Variants in FAM110D observed in about 807,000 individuals in gnomAD.
FAM110D encodes the protein family with sequence similarity 110 member D.
For missense variants in FAM110D, 376 were observed against 395.6 expected (o/e 0.95, Z 0.42); for synonymous variants, 174 against 189.4 (o/e 0.92, Z 0.67).
chr1:26,161,289 A>G lies in FAM110D; in HGVS notation c.-3A>G. The G allele has an allele frequency of 6.4e-7, 1 of 1,566,332 alleles. No homozygotes were observed. On this transcript the variant is annotated 5_prime_UTR_variant, in exon 2 of 2. The change abolishes the stop of an existing upstream ORF in the 5' untranslated region. Transcript: ENST00000374268. This position sits in a 1 kb window ranked among gnomAD's most constrained non-coding sequence, Gnocchi z 5.4. ...GGGCACTGTCCTGACCAGCTCTGCT[A>G]AGATGCTCCTGGCCCCTCCCTCCAC...
At chr1:26,160,230 A>G (rs779588348) in intron 1 of FAM110D, among the ~76,000 whole-genome samples, 2 of 151,706 alleles carry the variant, frequency 1.3e-5, no homozygotes, top group Non-Finnish European at 1.5e-5. Context: ...AGTAGCTGGG[A>G]TTACAGGTGT....
chr1:26,161,373 T>C lies in FAM110D; in HGVS notation c.82T>C (p.Tyr28His). 6.3e-7 allele frequency: 1 copy of C among 1,598,344 alleles called. No individual in the cohort carries two copies. The highest frequency in any genetic ancestry group is 8.5e-7 in the Non-Finnish European group (1 of 1,172,994). Residue 28 changes from tyrosine to histidine, a missense_variant, in exon 2 of 2, where the codon TAT (tyrosine) becomes CAT (histidine). Tyr to His is a moderately conservative substitution (Grantham distance 83). Transcript: ENST00000374268. The surrounding 1 kb of genome is among the most constrained non-coding windows in gnomAD (Gnocchi z 5.4). ...GAGGCTGGAAGCCGACAAAGCCAAG[T>C]ATGTCAAGACGCACCAGGTGATAGC... The part of the protein sequence containing the change: ...VERLEADKAK[Y>H]VKTHQVIARR...
rs2088377640 is a variant in FAM110D at position 26,162,212 on chromosome 1, T to A, written c.*105T>A. On this transcript the variant is annotated 3_prime_UTR_variant, in exon 2 of 2. Transcript: ENST00000374268. The surrounding 1 kb of genome is among the most constrained non-coding windows in gnomAD (Gnocchi z 5.3). ...TTGCGTAAGCCCTTCCTTCTGGAAC[T>A]CAGTTTCGCGTCTGAACCTTGGGGA... is the stretch of plus-strand genomic sequence containing the variant. The A allele has an allele frequency of 5.6e-6, 4 of 714,578 alleles. No individual in the cohort carries two copies. The highest frequency in any genetic ancestry group is 5.9e-6 in the Non-Finnish European group (3 of 512,766). The allele number at this position is 714,578 out of a possible 1,614,324, so 44.3% of individuals were successfully genotyped here.
At position 26,163,142 on chromosome 1, in the gene FAM110D, T is replaced by TAAAAATAAAAAAAGAAAAATAA. The variant is rs2088387561; in HGVS notation, c.*1053_*1054insATAAAAAAATAAAAAAAGAAAA. 1 of 151,376 alleles carries TAAAAATAAAAAAAGAAAAATAA rather than the reference T, an allele frequency of 6.6e-6. No homozygotes were observed. 9.4% of individuals were successfully genotyped at this position (151,376 alleles called of 1,614,324 possible). A position where few individuals can be genotyped will look rare whatever the true frequency, so the allele number is the denominator to read the frequency against. On this transcript the variant is annotated 3_prime_UTR_variant, in exon 2 of 2. Coordinates refer to ENST00000374268, the MANE Select transcript of FAM110D (RefSeq NM_024869.3). ...CAGACTCCGTCTCAAAAAATAAAAA[T>TAAAAATAAAAAAAGAAAAATAA]AAAAATAAAAAAAGAAAAGAAGGAA...
At position 26,161,366 on chromosome 1, in the gene FAM110D, A is replaced by T; in HGVS notation, c.75A>T (p.Lys25Asn). The T allele has an allele frequency of 1.3e-6, 2 of 1,597,202 alleles. No homozygotes were observed. The highest frequency in any genetic ancestry group is 8.5e-7 in the Non-Finnish European group (1 of 1,172,372). Reference protein sequence around the residue: ...PSAVERLEADKAKYVKTHQVI... With the variant: ...PSAVERLEADNAKYVKTHQVI... ...CCGTGGAGAGGCTGGAAGCCGACAA[A>T]GCCAAGTATGTCAAGACGCACCAGG... The change falls in exon 2 of 2, where the codon AAA (lysine) becomes AAT (asparagine). Residue 25 changes from lysine to asparagine, a missense_variant. By Grantham distance (94) the Lys-to-Asn change is moderately conservative. Transcript: ENST00000374268. This position sits in a 1 kb window ranked among gnomAD's most constrained non-coding sequence, Gnocchi z 5.4.
At chr1:26,160,226 T>C (rs2088350859) in intron 1 of FAM110D, among the ~76,000 whole-genome samples, 1 of 152,030 alleles carries the variant, frequency 6.6e-6, no homozygotes, top group African/African-American at 2.4e-5. Context: ...CCCAAGTAGC[T>C]GGGATTACAG....
At position 26,162,229 on chromosome 1, in the gene FAM110D, C is replaced by A. The variant is rs2088377766; in HGVS notation, c.*122C>A. 1 of 624,384 alleles carries A rather than the reference C, an allele frequency of 1.6e-6. No individual in the cohort carries two copies. The highest frequency in any genetic ancestry group is 2.3e-6 in the Non-Finnish European group (1 of 429,738). The allele number at this position is 624,384 out of a possible 1,614,324, so 38.7% of individuals were successfully genotyped here. On this transcript the variant is annotated 3_prime_UTR_variant, in exon 2 of 2. Coordinates refer to ENST00000374268, the MANE Select transcript of FAM110D (RefSeq NM_024869.3). This position sits in a 1 kb window ranked among gnomAD's most constrained non-coding sequence, Gnocchi z 5.3. Reference sequence around the variant, plus strand: ...TCTGGAACTCAGTTTCGCGTCTGAACCTTGGGGAGGTGGAACAAGTTGCTG... The same window carrying A: ...TCTGGAACTCAGTTTCGCGTCTGAAACTTGGGGAGGTGGAACAAGTTGCTG...
Position 26,161,449 on chromosome 1 carries a change from A to G in FAM110D, c.158A>G (p.His53Arg), listed in dbSNP as rs3748856. ...LRGSPGPLTP[H>R]PCNELGPPAS... ...GGGAGTCCTGGGCCGCTCACGCCGC[A>G]CCCCTGCAACGAGCTGGGGCCCCCT... Residue 53 changes from histidine (H) to arginine (R), a missense_variant, in exon 2 of 2, where the codon CAC becomes CGC. His to Arg is a conservative substitution (Grantham distance 29). Coordinates refer to ENST00000374268, the MANE Select transcript of FAM110D (RefSeq NM_024869.3). This position sits in a 1 kb window ranked among gnomAD's most constrained non-coding sequence, Gnocchi z 5.4. 466,232 of 1,572,750 alleles carry G rather than the reference A, an allele frequency of 0.3. 72,961 individuals are homozygous for G. Among genetic ancestry groups the G allele is most frequent in the Non-Finnish European group, 0.32 (375,656 of 1,159,704 alleles).
In FAM110D at chr1:26,161,678, A is replaced by C; in HGVS notation, c.387A>C (p.Arg129=). The C allele has an allele frequency of 1.9e-6, 3 of 1,551,984 alleles. No individual in the cohort carries two copies. Among genetic ancestry groups the C allele is most frequent in the Non-Finnish European group, 2.6e-6 (3 of 1,148,002 alleles). ...AAPSSPASTE[R]PAASGGWAAP... ...CGAGCAGCCCGGCCTCCACAGAGCG[A>C]CCTGCGGCTTCAGGGGGTTGGGCTG... Residue 129 remains arginine, a synonymous_variant, in exon 2 of 2, where the codon CGA becomes CGC. Coordinates refer to ENST00000374268, the MANE Select transcript of FAM110D (RefSeq NM_024869.3). This position sits in a 1 kb window ranked among gnomAD's most constrained non-coding sequence, Gnocchi z 5.4.
chr1:26,162,262 C>G lies in FAM110D; in HGVS notation c.*155C>G. On this transcript the variant is annotated 3_prime_UTR_variant, in exon 2 of 2. Transcript: ENST00000374268. The surrounding 1 kb of genome is among the most constrained non-coding windows in gnomAD (Gnocchi z 5.3). The stretch of plus-strand genomic sequence containing the variant: ...AGGTGGAACAAGTTGCTGCCGAAGG[C>G]CCTTCCCTGCTCCCGCGGCGAAGGG... 1 of 455,308 alleles carries G rather than the reference C, an allele frequency of 2.2e-6. No individual in the cohort carries two copies. The highest frequency in any genetic ancestry group is 3.7e-6 in the Non-Finnish European group (1 of 273,108). 28.2% of individuals were successfully genotyped at this position (455,308 alleles called of 1,614,324 possible).
chr1:26,159,966 G>C (rs2088346404), intron 1 of FAM110D, among the ~76,000 whole-genome samples: 1 of 152,186 alleles, frequency 6.6e-6, no homozygotes, highest in African/African-American at 2.4e-5. Flanking sequence ...GGGAGTGGGA[G>C]CGCAGGTTAT....
rs1377375386 is a variant in FAM110D, at chr1:26,162,322, G to A, written c.*215G>A. On this transcript the variant is annotated 3_prime_UTR_variant, in exon 2 of 2. Transcript: ENST00000374268. This position sits in a 1 kb window ranked among gnomAD's most constrained non-coding sequence, Gnocchi z 5.3. The stretch of plus-strand genomic sequence containing the variant: ...GGCCTCTTGGTCCCTGTGGAGACCC[G>A]GTCTGGGGAGTCACGATTGGGGTGG... 2 of 374,696 alleles carry A rather than the reference G, an allele frequency of 5.3e-6. No homozygotes were observed. The highest frequency in any genetic ancestry group is 9.9e-6 in the Non-Finnish European group (2 of 202,008). 23.2% of individuals were successfully genotyped at this position (374,696 alleles called of 1,614,324 possible).
Position 26,161,285 on chromosome 1 carries a change from T to C in FAM110D, c.-7T>C. 1 of 1,561,212 alleles carries C rather than the reference T, an allele frequency of 6.4e-7. No individual in the cohort carries two copies. The highest frequency in any genetic ancestry group is 8.7e-7 in the Non-Finnish European group (1 of 1,153,786). Reference sequence around the variant, plus strand: ...TATGGGGCACTGTCCTGACCAGCTCTGCTAAGATGCTCCTGGCCCCTCCCT... The same window carrying C: ...TATGGGGCACTGTCCTGACCAGCTCCGCTAAGATGCTCCTGGCCCCTCCCT... On this transcript the variant is annotated 5_prime_UTR_variant, in exon 2 of 2. Transcript: ENST00000374268. This position sits in a 1 kb window ranked among gnomAD's most constrained non-coding sequence, Gnocchi z 5.4.
Position 26,161,108 on chromosome 1 carries a change from C to T in FAM110D, c.-80-104C>T. 1 of 602,218 alleles carries T rather than the reference C, an allele frequency of 1.7e-6. No individual in the cohort carries two copies. Among genetic ancestry groups the T allele is most frequent in the Non-Finnish European group, 2.8e-6 (1 of 354,044 alleles). The allele number at this position is 602,218 out of a possible 1,614,324, so 37.3% of individuals were successfully genotyped here. A position where few individuals can be genotyped will look rare whatever the true frequency, so the allele number is the denominator to read the frequency against. Reference sequence around the variant, plus strand: ...CTCCCTGGATGTGGCACCGGCTAACCTGGATGGGAGAGGGTGGCTGACTGA... The same window carrying T: ...CTCCCTGGATGTGGCACCGGCTAACTTGGATGGGAGAGGGTGGCTGACTGA... On this transcript the variant is annotated intron_variant, in intron 1 of 1. Transcript: ENST00000374268. This position sits in a 1 kb window ranked among gnomAD's most constrained non-coding sequence, Gnocchi z 5.4.
intron 1 of FAM110D, among the ~76,000 whole-genome samples, chr1:26,160,782 C>T (rs1010399718): frequency 1.3e-5 from 2 of 151,164 alleles, no homozygotes; most frequent in Non-Finnish European, 2.9e-5. Context: ...TCCCCGACCT[C>T]GGTGTTTGGG....
rs1342862751 is a variant in FAM110D at position 26,161,531 on chromosome 1, G to A, written c.240G>A (p.Arg80=). Reference sequence around the variant, plus strand: ...GGGGAAGCGGCAGGCGGCTGCCGAGGCCTGATTCCCTCATCTTCTACCGCC... The same window carrying A: ...GGGGAAGCGGCAGGCGGCTGCCGAGACCTGATTCCCTCATCTTCTACCGCC... ...VRRGSGRRLP[R]PDSLIFYRQK... Residue 80 remains arginine (R), a synonymous_variant, in exon 2 of 2, where the codon AGG becomes AGA. Transcript: ENST00000374268. The surrounding 1 kb of genome is among the most constrained non-coding windows in gnomAD (Gnocchi z 5.4). The A allele has an allele frequency of 2.6e-6, 4 of 1,550,586 alleles. No individual in the cohort carries two copies. The highest frequency in any genetic ancestry group is 1.4e-5 in the African/African-American group (1 of 73,202).
intron 1 of FAM110D, among the ~76,000 whole-genome samples, chr1:26,159,714 G>T (rs1247776622): frequency 6.6e-6 from 1 of 151,774 alleles, no homozygotes; most frequent in African/African-American, 2.4e-5. Context: ...GGCTAATTCT[G>T]TTCCTTTGTT....
rs2088362659 is a variant in FAM110D, at chr1:26,161,152, C to T, written c.-80-60C>T. ...TGACTGATCCTATACTGAGGAATGC[C>T]GGCAGGAGAGGACCAGGGGCATTTC... On this transcript the variant is annotated intron_variant, in intron 1 of 1. Transcript: ENST00000374268. The surrounding 1 kb of genome is among the most constrained non-coding windows in gnomAD (Gnocchi z 5.4). 2 of 854,540 alleles carry T rather than the reference C, an allele frequency of 2.3e-6. No individual in the cohort carries two copies. The highest frequency in any genetic ancestry group is 1.7e-5 in the African/African-American group (1 of 58,344). The allele number at this position is 854,540 out of a possible 1,614,324, so 52.9% of individuals were successfully genotyped here. A position where few individuals can be genotyped will look rare whatever the true frequency, so the allele number is the denominator to read the frequency against.
At position 26,161,725 on chromosome 1, in the gene FAM110D, C is replaced by T. The variant is rs1392084478; in HGVS notation, c.434C>T (p.Ala145Val). The change falls in exon 2 of 2, where the codon GCG becomes GTG. Residue 145 changes from alanine (A) to valine (V), a missense_variant. Physicochemically the swap from Ala to Val is moderately conservative, Grantham distance 64 (BLOSUM62 0). Transcript: ENST00000374268. This position sits in a 1 kb window ranked among gnomAD's most constrained non-coding sequence, Gnocchi z 5.4. ...GWAAPQDAPE[A>V]AGKRALCPTC... ...GCTGCGCCCCAGGATGCCCCGGAAG[C>T]GGCGGGAAAGCGGGCGCTGTGTCCC... 2.5e-5 allele frequency: 38 copies of T among 1,548,506 alleles called. No individual in the cohort carries two copies. The highest frequency in any genetic ancestry group is 3.3e-5 in the Non-Finnish European group (38 of 1,146,238).
Sources: gnomAD v4.1 joint callset for allele counts (sites outside exome capture counted in the v4.1 genomes callset) on GRCh38, gnomAD v4.1.1 for gene constraint, Gnocchi (gnomAD v3.1) non-coding constraint, MANE v1.5 for transcripts, NCBI Gene and HGNC (gene_info 2026-07-23, HGNC 2026-07-21) for gene names.